Variants in FRMD4A observed in about 807,000 individuals in gnomAD.
FRMD4A encodes FERM domain-containing protein 4A.
FRMD4A carries 29 observed loss-of-function variants against 129.1 expected under a neutral mutation model. That is an observed-to-expected ratio of 0.22 (90% CI 0.17 to 0.31). The LOEUF is 0.31. Among genes scored for constraint, FRMD4A ranks in the 10% least tolerant of loss-of-function variants. The pLI is 1.00. For missense variants in FRMD4A, 1,272 were observed against 1,375.8 expected, an observed-to-expected ratio of 0.92 and a Z score of 1.19; for synonymous variants, 634 against 571.6, an observed-to-expected ratio of 1.11 and a Z score of -1.56.
intron 12 of FRMD4A, among the ~76,000 whole-genome samples, chr10:13,711,629 TA>T (rs1259910049): frequency 6.6e-6 from 1 of 152,226 alleles, no homozygotes; most frequent in Non-Finnish European, 1.5e-5. Context: ...AAAGCTAAAA[TA>T]CTTAGTTCTA....
intron 8 of FRMD4A, among the ~76,000 whole-genome samples, chr10:13,760,704 G>T (rs10450542): frequency 1.3e-5 from 2 of 152,058 alleles, no homozygotes; most frequent in South Asian, 2.1e-4. Context: ...GAAACAGACA[G>T]GTTCTTAGAT....
At position 13,689,549 on chromosome 10, in the gene FRMD4A, C is replaced by T. The variant is rs377473711; in HGVS notation, c.1117+4349G>A. On this transcript the variant is annotated intron_variant, in intron 15 of 24. Coordinates refer to ENST00000357447, the MANE Select transcript of FRMD4A (RefSeq NM_018027.5). ...CTCTAGGAACATAGATTAGAAGATTCTTTTTTTTTTTTTTTTTTAAGAGAC... is the reference window on the plus strand; with the variant it reads ...CTCTAGGAACATAGATTAGAAGATTTTTTTTTTTTTTTTTTTTTAAGAGAC... Among the ~76,000 whole-genome samples the T allele has an allele frequency of 9.2e-4, 118 of 128,604 alleles. 1 individual carries two copies. The highest frequency in any genetic ancestry group is 4.0e-3 in the Middle Eastern group (1 of 252). 84.4% of individuals were successfully genotyped at this position (128,604 alleles called of 152,430 possible). A position where few individuals can be genotyped will look rare whatever the true frequency, so the allele number is the denominator to read the frequency against.
chr10:13,681,967 C>G (rs1042247441), intron 15 of FRMD4A, among the ~76,000 whole-genome samples: 1 of 151,986 alleles, frequency 6.6e-6, no homozygotes, highest in African/African-American at 2.4e-5. Flanking sequence ...ACCTATAATC[C>G]CAGCACTTTT....
At chr10:13,902,097 A>C (rs1191798481) in intron 2 of FRMD4A, among the ~76,000 whole-genome samples, 2 of 152,094 alleles carry the variant, frequency 1.3e-5, no homozygotes, top group Non-Finnish European at 2.9e-5. Flanking sequence ...GCTCACTGTA[A>C]CCTTGAACCC....
intron 2 of FRMD4A, among the ~76,000 whole-genome samples, chr10:14,252,064 T>C (rs1291756650): frequency 6.6e-6 from 1 of 152,238 alleles, no homozygotes; most frequent in African/African-American, 2.4e-5. Context: ...ACTATATTTA[T>C]AGAAAAGTTT....
intron 2 of FRMD4A, among the ~76,000 whole-genome samples, chr10:14,092,984 A>G (rs1362525515): frequency 6.6e-6 from 1 of 152,192 alleles, no homozygotes; most frequent in Non-Finnish European, 1.5e-5. Flanking sequence ...TGGCCCAGTG[A>G]TGCTGCTGTG....
intron 2 of FRMD4A, among the ~76,000 whole-genome samples, chr10:14,072,093 T>C (rs1481194739): frequency 6.6e-6 from 1 of 152,238 alleles, no homozygotes; most frequent in Non-Finnish European, 1.5e-5. Context: ...AAAATTCTCT[T>C]GGGAAGGCCC....
chr10:13,829,094 C>T (rs549207042), intron 3 of FRMD4A, among the ~76,000 whole-genome samples: 1 of 152,302 alleles, frequency 6.6e-6, no homozygotes, highest in South Asian at 2.1e-4. Context: ...TAAGCATTCC[C>T]CTTTCTCCAC....
chr10:14,153,352 T>C (rs1840435645), intron 2 of FRMD4A, among the ~76,000 whole-genome samples: 1 of 152,302 alleles, frequency 6.6e-6, no homozygotes, highest in Admixed American at 6.5e-5. Flanking sequence ...GAAGCCAGGA[T>C]ACAGGGATGG....
intron 2 of FRMD4A, among the ~76,000 whole-genome samples, chr10:13,937,885 T>A (rs2095261215): frequency 6.6e-6 from 1 of 152,252 alleles, no homozygotes; most frequent in African/African-American, 2.4e-5. Context: ...TGTTTCTCAT[T>A]TAAGCAATTC....
chr10:13,852,843 A>C (rs2094158791), intron 3 of FRMD4A, among the ~76,000 whole-genome samples: 1 of 152,128 alleles, frequency 6.6e-6, no homozygotes. Context: ...CACGAGGTGC[A>C]GCTTAGATCT....
At chr10:14,137,819 T>G (rs1360292134) in intron 2 of FRMD4A, among the ~76,000 whole-genome samples, 5 of 151,736 alleles carry the variant, frequency 3.3e-5, no homozygotes, top group Non-Finnish European at 7.4e-5. Flanking sequence ...GCTAAAAGCA[T>G]TTTTTTTCCT....
chr10:13,698,808 G>C (rs2086492453), intron 14 of FRMD4A, among the ~76,000 whole-genome samples: 1 of 152,188 alleles, frequency 6.6e-6, no homozygotes, highest in South Asian at 2.1e-4. Flanking sequence ...AGAGGGTTGT[G>C]ATCCTCACCT....
At chr10:13,901,687 T>A (rs1226138712) in intron 2 of FRMD4A, among the ~76,000 whole-genome samples, 1 of 151,834 alleles carries the variant, frequency 6.6e-6, no homozygotes, top group African/African-American at 2.4e-5. Context: ...ATTGTGAAGG[T>A]TTATGTGCAA....
intron 2 of FRMD4A, among the ~76,000 whole-genome samples, chr10:14,242,815 A>G (rs1275160436): frequency 6.6e-6 from 1 of 152,200 alleles, no homozygotes; most frequent in Non-Finnish European, 1.5e-5. Flanking sequence ...TCACTGTGGA[A>G]AGGAGTATGA....
chr10:13,845,663 C>T (rs978102167), intron 3 of FRMD4A, among the ~76,000 whole-genome samples: 3 of 152,134 alleles, frequency 2.0e-5, no homozygotes, highest in Admixed American at 6.5e-5. Context: ...CCATGTTGTG[C>T]CAGACAGTCT....
chr10:13,780,966 A>G (rs764129094), intron 6 of FRMD4A, among the ~76,000 whole-genome samples: 2 of 140,616 alleles, frequency 1.4e-5, no homozygotes, highest in Non-Finnish European at 1.6e-5. Flanking sequence ...GAATGGATCA[A>G]CAAAAGGTGA....
intron 2 of FRMD4A, among the ~76,000 whole-genome samples, chr10:13,917,344 G>T (rs1043365328): frequency 1.3e-5 from 2 of 148,654 alleles, no homozygotes; most frequent in Non-Finnish European, 3.0e-5. Flanking sequence ...GTACAGTGGC[G>T]CAATCTTGGC....
rs1041971912 is a variant in FRMD4A at position 13,853,702 on chromosome 10, G to A, written c.111+5145C>T. On this transcript the variant is annotated intron_variant, in intron 3 of 24. Transcript: ENST00000357447. Reference sequence around the variant, plus strand: ...TACAAAAGTAGCTGGGCATGGTGATGCAGGCCTGTAGTCCCAGCTACTCGG... The same window carrying A: ...TACAAAAGTAGCTGGGCATGGTGATACAGGCCTGTAGTCCCAGCTACTCGG... 1.4e-4 allele frequency among the ~76,000 whole-genome samples: 22 copies of A among 151,868 alleles called. 1 individual carries two copies. The highest frequency in any genetic ancestry group is 6.6e-5 in the Admixed American group (1 of 15,248).
Sources: gnomAD v4.1 joint callset for allele counts (sites outside exome capture counted in the v4.1 genomes callset) on GRCh38, gnomAD v4.1.1 for gene constraint, MANE v1.5 for transcripts, NCBI Gene and HGNC (gene_info 2026-07-23, HGNC 2026-07-21) for gene names.